The following RPE variants were observed in gnomAD, a reference collection of about 807,000 sequenced individuals.
The protein encoded by RPE is ribulose-5-phosphate-3-epimerase, also known as ribulose-phosphate 3-epimerase.
Under a neutral mutation model 24.6 loss-of-function variants are expected in RPE, and 16 were observed. That is an observed-to-expected ratio of 0.65 (90% confidence interval 0.44 to 0.99). The LOEUF is 0.99. Among genes scored for constraint, RPE ranks in the 50% least tolerant of loss-of-function variants. The pLI, the probability that RPE is intolerant of heterozygous loss-of-function variation, is 0.00. For synonymous variants in RPE, 93 were observed against 98.4 expected (o/e 0.94, Z 0.33); for missense variants, 240 against 294.5 (o/e 0.81, Z 1.35).
chr2:210,011,523 C>A (rs1169484407), intron 2 of RPE, among the ~76,000 whole-genome samples: 2 of 152,186 alleles, frequency 1.3e-5, no homozygotes, highest in Non-Finnish European at 2.9e-5. Context: ...TGCCACCACA[C>A]ACAATCTGCT....
At chr2:210,010,285 A>C (rs1275893972) in intron 2 of RPE, among the ~76,000 whole-genome samples, 1 of 149,404 alleles carries the variant, frequency 6.7e-6, no homozygotes, top group Non-Finnish European at 1.5e-5. Flanking sequence ...TATTCACTCC[A>C]ATGTCCTAGT....
chr2:210,004,080 CTGTCACAGGTAATAATACCCTGAG>C (rs1559473207), intron 1 of RPE, among the ~76,000 whole-genome samples: 2 of 152,180 alleles, frequency 1.3e-5, no homozygotes, highest in Non-Finnish European at 2.9e-5. Flanking sequence ...AAGCCCTAAA[CTGTCACAGGTAATAATACCCTGAG>C]TGTCTACCTC....
chr2:210,009,701 GC>G lies in RPE; in HGVS notation c.169del (p.Leu57PhefsTer5), dbSNP rs1407711656. Reference sequence around the variant, plus strand: ...ACCTTTGGTCACCCTGTGGTAGAAAGCCTTCGAAAGCAGCTAGGCCAGGACC... The same window carrying G: ...ACCTTTGGTCACCCTGTGGTAGAAAGCTTCGAAAGCAGCTAGGCCAGGACC... Reference protein sequence around the residue: ...NITFGHPVVESLRKQLGQDPF... With the variant: ...NITFGHPVVEXLRKQLGQDPF... On this transcript the variant is annotated frameshift_variant, in exon 2 of 6. Coordinates refer to ENST00000359429, the MANE Select transcript of RPE (RefSeq NM_199229.3). LOFTEE classifies it high-confidence loss of function. 1.2e-6 allele frequency: 2 copies of G among 1,614,036 alleles called. No individual in the cohort carries two copies. The highest frequency in any genetic ancestry group is 1.7e-6 in the Non-Finnish European group (2 of 1,180,036).
chr2:210,002,888 C>T (rs1460113613), intron 1 of RPE, 105 bp downstream of exon 1: 2 of 1,596,498 alleles, frequency 1.3e-6, no homozygotes, highest in Non-Finnish European at 8.5e-7. Flanking sequence ...CACCGAGCGC[C>T]TCACTCTGAA....
intron 2 of RPE, among the ~76,000 whole-genome samples, chr2:210,014,442 TAAG>T (rs751278127): frequency 6.6e-5 from 10 of 152,144 alleles, no homozygotes; most frequent in Non-Finnish European, 1.5e-4. Flanking sequence ...ATGCAAAGAA[TAAG>T]AAACACCAGA....
chr2:210,013,440 C>G (rs2093728169), intron 2 of RPE, among the ~76,000 whole-genome samples: 2 of 151,834 alleles, frequency 1.3e-5, no homozygotes, highest in Non-Finnish European at 2.9e-5. Context: ...CCTCTCCCCT[C>G]CAGTAGCTGG....
At chr2:210,006,346 C>T (rs1559474718) in intron 1 of RPE, among the ~76,000 whole-genome samples, 1 of 152,072 alleles carries the variant, frequency 6.6e-6, no homozygotes, top group Non-Finnish European at 1.5e-5. Flanking sequence ...TTTGGGACAC[C>T]CTGACTTCGT....
chr2:210,012,049 A>G (rs904084485), intron 2 of RPE, among the ~76,000 whole-genome samples: 1 of 152,156 alleles, frequency 6.6e-6, no homozygotes, highest in Non-Finnish European at 1.5e-5. Context: ...TAATTGATAC[A>G]TGAATGTATT....
chr2:210,006,355 G>A lies in RPE; in HGVS notation c.123-3302G>A, dbSNP rs547959120. ...GGCAAATTTGGGACACCCTGACTTC[G>A]TGCTTAGGATTGTAGCCCCTTTTTG... On this transcript the variant is annotated intron_variant, in intron 1 of 5. Coordinates refer to ENST00000359429, the MANE Select transcript of RPE (RefSeq NM_199229.3). Among the ~76,000 whole-genome samples, 5 of 152,250 alleles carry A rather than the reference G, an allele frequency of 3.3e-5. No homozygotes were observed. In the East Asian group the frequency reaches 5.8e-4, roughly 18 times the overall value.
chr2:210,018,045 C>G (rs968512774), intron 5 of RPE: 1 of 1,180,872 alleles, frequency 8.5e-7, no homozygotes, highest in African/African-American at 1.6e-5. Flanking sequence ...GCGTCTGGCC[C>G]GTAAGTGGAT....
chr2:210,011,374 GGCTT>G (rs2093697116), intron 2 of RPE, among the ~76,000 whole-genome samples: 1 of 152,006 alleles, frequency 6.6e-6, no homozygotes, highest in Non-Finnish European at 1.5e-5. Flanking sequence ...CCTCGCTTCT[GGCTT>G]GCTTGTGTGA....
intron 1 of RPE, among the ~76,000 whole-genome samples, chr2:210,003,023 T>TGGTC (rs2093583057): frequency 6.6e-6 from 1 of 152,166 alleles, no homozygotes; most frequent in African/African-American, 2.4e-5. Flanking sequence ...ACGTAACGTG[T>TGGTC]GGTCTTCCAT....
In RPE at chr2:210,019,809, T is replaced by C. The variant is rs752835537; in HGVS notation, c.*18T>C. ...ATCGGTGAAACCATAAGGAGCCCAG[T>C]GTTCCTGTTCATGAAATCTCCCTTT... On this transcript the variant is annotated 3_prime_UTR_variant, in exon 6 of 6. Transcript: ENST00000359429. 1.8e-5 allele frequency: 29 copies of C among 1,604,880 alleles called. No individual in the cohort carries two copies. The highest frequency in any genetic ancestry group is 2.4e-5 in the Non-Finnish European group (28 of 1,175,848).
At chr2:210,006,894 C>A (rs1195941606) in intron 1 of RPE, among the ~76,000 whole-genome samples, 1 of 152,076 alleles carries the variant, frequency 6.6e-6, no homozygotes, top group Admixed American at 6.5e-5. Context: ...GTGAAAGTGT[C>A]TGTTCCCATC....
intron 5 of RPE, 183 bp downstream of exon 5, chr2:210,017,742 T>TA: frequency 1.6e-6 from 1 of 618,908 alleles, no homozygotes; most frequent in African/African-American, 1.9e-5. Context: ...GCTTTTTTTT[T>TA]TTTTTTTTTT....
intron 1 of RPE, among the ~76,000 whole-genome samples, chr2:210,007,735 T>C (rs1014877269): frequency 6.6e-6 from 1 of 152,256 alleles, no homozygotes; most frequent in African/African-American, 2.4e-5. Context: ...TATGTATGTT[T>C]TATCTATAAT....
At chr2:210,014,226 T>C (rs1259668850) in intron 2 of RPE, among the ~76,000 whole-genome samples, 5 of 152,056 alleles carry the variant, frequency 3.3e-5, no homozygotes, top group East Asian at 1.9e-4. Flanking sequence ...GTAGCTGGGA[T>C]TACAGGCGCC....
intron 2 of RPE, among the ~76,000 whole-genome samples, chr2:210,014,637 A>C (rs953705181): frequency 2.8e-4 from 43 of 152,196 alleles, no homozygotes; most frequent in Admixed American, 1.7e-3. Flanking sequence ...TTAAAAAAAA[A>C]AAAGTTCTCA....
chr2:210,021,071 G>A lies in RPE; in HGVS notation c.*1280G>A, dbSNP rs1353989662. 3 of 152,076 alleles carry A rather than the reference G, an allele frequency of 2.0e-5. No homozygotes were observed. Among genetic ancestry groups the A allele is most frequent in the Non-Finnish European group, 2.9e-5 (2 of 67,954 alleles). The allele number at this position is 152,076 out of a possible 1,614,324, so 9.4% of individuals were successfully genotyped here. On this transcript the variant is annotated 3_prime_UTR_variant, in exon 6 of 6. Coordinates refer to ENST00000359429, the MANE Select transcript of RPE (RefSeq NM_199229.3). ...TTATTCCAAGAAAGATCAGGTAGGC[G>A]AAAAGATGACAGGATACAGAGTCAA...
Sources: allele counts gnomAD v4.1 joint callset (sites outside exome capture counted in the v4.1 genomes callset), GRCh38; gene constraint gnomAD v4.1.1; transcripts MANE v1.5; gene names NCBI Gene and HGNC (gene_info 2026-07-23, HGNC 2026-07-21).